Variants in SBF1 observed in about 807,000 individuals in gnomAD.
SBF1 encodes the protein myotubularin-related protein 5.
SBF1 carries 65 observed loss-of-function variants against 215.8 expected under a neutral mutation model. The ratio of observed to expected loss-of-function variants is 0.30; its 90% CI spans 0.25 to 0.37. SBF1 has a LOEUF of 0.37. Among genes scored for constraint, SBF1 ranks in the 10% least tolerant of loss-of-function variants. The pLI is 1.00. For missense variants in SBF1, 2,634 were observed against 2,667.8 expected, an observed-to-expected ratio of 0.99 and a Z score of 0.28; for synonymous variants, 1,410 against 1,122.8, an observed-to-expected ratio of 1.26 and a Z score of -5.11.
rs1269858442 is a variant in SBF1 at position 50,456,362 on chromosome 22, G to A, written c.4120C>T (p.Leu1374=). The change falls in exon 31 of 41, where the codon CTG becomes TTG. Residue 1374 remains leucine (L), a synonymous_variant. Coordinates refer to ENST00000380817, the MANE Select transcript of SBF1 (RefSeq NM_002972.4). ...GCCTCGAATACCTCAATGGGCACCAGCTCCCACTGCTGCAGGGGGTCTGAC... is the reference window on the plus strand; with the variant it reads ...GCCTCGAATACCTCAATGGGCACCAACTCCCACTGCTGCAGGGGGTCTGAC... ...VRSDPLQQWE[L]VPIEVFEARQ... The A allele has an allele frequency of 6.2e-7, 1 of 1,613,222 alleles. No individual in the cohort carries two copies. The highest frequency in any genetic ancestry group is 1.1e-5 in the South Asian group (1 of 91,064).
chr22:50,456,179 C>T, intron 31 of SBF1, 37 bp downstream of exon 31: 1 of 1,603,232 alleles, frequency 6.2e-7, no homozygotes, highest in Non-Finnish European at 8.5e-7. Context: ...GAGGGCCCAG[C>T]ACCAAGGCGG....
Position 50,457,411 on chromosome 22 carries a change from T to C in SBF1, c.3827-300A>G, listed in dbSNP as rs558614234. 33 of 350,068 alleles carry C rather than the reference T, an allele frequency of 9.4e-5. No individual in the cohort carries two copies. The South Asian group carries it at 2.9e-3, about 31-fold the overall frequency. The allele number at this position is 350,068 out of a possible 1,614,324, so 21.7% of individuals were successfully genotyped here. On this transcript the variant is annotated intron_variant, in intron 28 of 40. Coordinates refer to ENST00000380817, the MANE Select transcript of SBF1 (RefSeq NM_002972.4). ...CTCAAACCAGCTTAGAGCAAGTCTG[T>C]CTCTGAGTCCCTCCCTCCACATCCT...
Position 50,448,647 on chromosome 22 carries a change from G to C in SBF1, c.5047C>G (p.Leu1683Val), listed in dbSNP as rs776198448. 7 of 1,608,580 alleles carry C rather than the reference G, an allele frequency of 4.4e-6. No individual in the cohort carries two copies. In the Admixed American group the frequency reaches 1.0e-4, roughly 23 times the overall value. The change falls in exon 37 of 41, where the codon CTG (leucine) becomes GTG (valine). Residue 1683 changes from leucine to valine, a missense_variant. Physicochemically the swap from Leu to Val is conservative, Grantham distance 32. Transcript: ENST00000380817. ...CCCAACTCTGTCTCCAGCCTCTGCA[G>C]CTCCTGGGGGAAGAATTAATGGCAA... is the stretch of plus-strand genomic sequence containing the variant. ...PDAISRLLEE[L>V]QRLETELGQP...
Position 50,445,213 on chromosome 22 carries a change from CG to C in SBF1, c.*1928del, listed in dbSNP as rs1569506374. On this transcript the variant is annotated 3_prime_UTR_variant, in exon 41 of 41. Coordinates refer to ENST00000380817, the MANE Select transcript of SBF1 (RefSeq NM_002972.4). ...GTTATCCCCGTGTAATGGGTGGAGG[CG>C]GAACAGGCCACATCACGGCATCAGG... The C allele has an allele frequency of 6.6e-6, 1 of 152,288 alleles. No homozygotes were observed. The highest frequency in any genetic ancestry group is 1.5e-5 in the Non-Finnish European group (1 of 68,070). The allele number at this position is 152,288 out of a possible 1,614,324, so 9.4% of individuals were successfully genotyped here.
At chr22:50,457,229 G>T in intron 28 of SBF1, 118 bp from the exon 29 acceptor site, 1 of 771,402 alleles carries the variant, frequency 1.3e-6, no homozygotes, top group Non-Finnish European at 1.9e-6. Flanking sequence ...GAGACAGCAG[G>T]GGTCAGCCCC....
rs774979195 is a variant in SBF1, at chr22:50,447,248, A to G, written c.5584-8T>C. 4 of 1,613,886 alleles carry G rather than the reference A, an allele frequency of 2.5e-6. No homozygotes were observed. The highest frequency in any genetic ancestry group is 2.5e-6 in the Non-Finnish European group (3 of 1,179,880). ...GCGACGCGTTGTCTTCACCTGGGGA[A>G]GGGCGGGTTACTGACTCCGCAGCCC... is the stretch of plus-strand genomic sequence containing the variant. On this transcript the variant is annotated splice_region_variant and splice_polypyrimidine_tract_variant and intron_variant, in intron 40 of 40. Transcript: ENST00000380817.
chr22:50,460,103 C>G lies in SBF1; in HGVS notation c.3340G>C (p.Asp1114His), dbSNP rs369626870. The G allele has an allele frequency of 8.1e-6, 13 of 1,613,580 alleles. No individual in the cohort carries two copies. Among genetic ancestry groups the G allele is most frequent in the Non-Finnish European group, 1.0e-5 (12 of 1,179,984 alleles). Residue 1114 changes from aspartate (D) to histidine (H), a missense_variant, in exon 26 of 41, where the codon GAC becomes CAC. By Grantham distance (81) the Asp-to-His change is moderately conservative. Transcript: ENST00000380817. ...ACCAGGCTGCTCATGGTCATGCGGT[C>G]GGAGGGCTTCAGGGCTGAGGACGGG... ...LTPSSALKPS[D>H]RMTMSSLVER...
intron 1 of SBF1, among the ~76,000 whole-genome samples, chr22:50,472,954 C>T (rs1007698687): frequency 3.9e-5 from 6 of 152,314 alleles, no homozygotes; most frequent in African/African-American, 1.4e-4. Context: ...CTTATCACTC[C>T]TTCCGGTCAC....
intron 1 of SBF1, among the ~76,000 whole-genome samples, chr22:50,472,403 C>A (rs2068027484): frequency 6.6e-6 from 1 of 152,288 alleles, no homozygotes; most frequent in African/African-American, 2.4e-5. Context: ...CCCAAGAGAC[C>A]CTGCATCCCG....
chr22:50,455,898 C>G (rs892269867), intron 31 of SBF1: 13 of 564,538 alleles, frequency 2.3e-5, no homozygotes, highest in African/African-American at 1.3e-4. Flanking sequence ...CTGTCAGTAC[C>G]CACCCCCGAG....
rs2066804260 is a variant in SBF1, at chr22:50,446,287, T to G, written c.*855A>C. 1 of 150,102 alleles carries G rather than the reference T, an allele frequency of 6.7e-6. No individual in the cohort carries two copies. The highest frequency in any genetic ancestry group is 2.5e-5 in the African/African-American group (1 of 40,092). The allele number at this position is 150,102 out of a possible 1,614,324, so 9.3% of individuals were successfully genotyped here. On this transcript the variant is annotated 3_prime_UTR_variant, in exon 41 of 41. Transcript: ENST00000380817. ...CCCCATGGGCGTTGGCCCCTTACTCTGCCAGATGCTGCTCGTTGCCTGGCA... is the reference window on the plus strand; with the variant it reads ...CCCCATGGGCGTTGGCCCCTTACTCGGCCAGATGCTGCTCGTTGCCTGGCA...
Position 50,456,593 on chromosome 22 carries a change from CGT to C in SBF1, c.3983_3984del (p.Asp1328GlyfsTer50), listed in dbSNP as rs775449681. Reference protein sequence around the residue: ...TDVGSRLAGRDALAPPQANGG... With the variant: ...TDVGSRLAGRXALAPPQANGG... The stretch of plus-strand genomic sequence containing the variant: ...CCGTTGGCCTGGGGTGGGGCCAGCG[CGT>C]CTCTGCCAGCTAGCCGGGAGCCCAC... On this transcript the variant is annotated frameshift_variant, in exon 30 of 41. Transcript: ENST00000380817. LOFTEE classifies it high-confidence loss of function. The C allele has an allele frequency of 6.5e-7, 1 of 1,540,108 alleles. No individual in the cohort carries two copies. The highest frequency in any genetic ancestry group is 8.7e-7 in the Non-Finnish European group (1 of 1,145,974).
At chr22:50,454,432 TAC>T (rs1569509867) in intron 36 of SBF1, 78 bp downstream of exon 36, 30 of 1,257,778 alleles carry the variant, frequency 2.4e-5, no homozygotes, top group South Asian at 8.5e-5. Context: ...TGTACGAGTG[TAC>T]ACACACACGC....
intron 36 of SBF1, among the ~76,000 whole-genome samples, chr22:50,452,808 G>A (rs545737926): frequency 1.3e-5 from 2 of 149,324 alleles, no homozygotes; most frequent in Non-Finnish European, 3.0e-5. Flanking sequence ...TAACAGGACA[G>A]GAAAGGCATG....
At chr22:50,467,013 A>G in intron 5 of SBF1, 1 of 566,208 alleles carries the variant, frequency 1.8e-6, no homozygotes, top group Non-Finnish European at 3.1e-6. Context: ...TGCACAGGAC[A>G]GACGGGCAGA....
intron 18 of SBF1, 42 bp downstream of exon 18, chr22:50,462,517 G>A: frequency 6.3e-7 from 1 of 1,585,490 alleles, no homozygotes; most frequent in Non-Finnish European, 8.6e-7. Flanking sequence ...CGCTGCCCCA[G>A]CCCCTAGCCC....
At chr22:50,463,836 G>A (rs1303514772) in intron 15 of SBF1, among the ~76,000 whole-genome samples, 2 of 152,192 alleles carry the variant, frequency 1.3e-5, no homozygotes, top group Non-Finnish European at 2.9e-5. Context: ...GCCCCAAAGG[G>A]ACACCATACA....
At position 50,459,246 on chromosome 22, in the gene SBF1, C is replaced by T. The variant is rs370932996; in HGVS notation, c.3826+9G>A. Reference sequence around the variant, plus strand: ...CCCTGCCCCACCGTCTGCCCACAAGCACCCTCACCGTGACTGCCCATGTGG... The same window carrying T: ...CCCTGCCCCACCGTCTGCCCACAAGTACCCTCACCGTGACTGCCCATGTGG... On this transcript the variant is annotated intron_variant, in intron 28 of 40. Transcript: ENST00000380817. 22 of 1,591,118 alleles carry T rather than the reference C, an allele frequency of 1.4e-5. No homozygotes were observed. In the African/African-American group the frequency reaches 2.1e-4, roughly 16 times the overall value.
chr22:50,464,893 T>C lies in SBF1; in HGVS notation c.1357A>G (p.Met453Val). The C allele has an allele frequency of 6.2e-7, 1 of 1,613,692 alleles. No individual in the cohort carries two copies. Among genetic ancestry groups the C allele is most frequent in the Non-Finnish European group, 8.5e-7 (1 of 1,179,986 alleles). Reference protein sequence around the residue: ...DELVAHEVARMRADENHPQRV... With the variant: ...DELVAHEVARVRADENHPQRV... ...TGGGGGTGGTTCTCATCCGCCCGCATCCTTGCCACCTCGTGGGCCACCAGC... is the reference window on the plus strand; with the variant it reads ...TGGGGGTGGTTCTCATCCGCCCGCACCCTTGCCACCTCGTGGGCCACCAGC... The change falls in exon 13 of 41, where the codon ATG becomes GTG. Residue 453 changes from methionine to valine, a missense_variant. Physicochemically the swap from Met to Val is conservative, Grantham distance 21. Coordinates refer to ENST00000380817, the MANE Select transcript of SBF1 (RefSeq NM_002972.4).
Sources: gnomAD v4.1 joint callset for allele counts (sites outside exome capture counted in the v4.1 genomes callset) on GRCh38, gnomAD v4.1.1 for gene constraint, MANE v1.5 for transcripts, NCBI Gene and HGNC (gene_info 2026-07-23, HGNC 2026-07-21) for gene names.